PCDH1: variants seen among roughly 807,000 people sequenced by gnomAD.
The protein encoded by PCDH1 is protocadherin-1.
In PCDH1, 23 loss-of-function variants were observed where a neutral mutation model predicts 74.6. The ratio of observed to expected loss-of-function variants is 0.31; its 90% CI spans 0.22 to 0.44. The LOEUF is 0.44. Among genes scored for constraint, PCDH1 ranks in the 20% least tolerant of loss-of-function variants. The pLI is 1.00. For missense variants in PCDH1, 1,214 were observed against 1,641.4 expected, an observed-to-expected ratio of 0.74 and a Z score of 4.50; for synonymous variants, 647 against 686.1, an observed-to-expected ratio of 0.94 and a Z score of 0.89.
At position 141,868,951 on chromosome 5, in the gene PCDH1, G is replaced by A. The variant is rs2126826757; in HGVS notation, c.521C>T (p.Thr174Ile). Residue 174 changes from threonine (T) to isoleucine (I), a missense_variant, in exon 2 of 5, where the codon ACT (threonine) becomes ATT (isoleucine). Thr to Ile is a moderately conservative substitution (Grantham distance 89). Coordinates refer to ENST00000287008, the MANE Select transcript of PCDH1 (RefSeq NM_032420.5). This position sits in a 1 kb window ranked among gnomAD's most constrained non-coding sequence, Gnocchi z 4.8. Reference sequence around the variant, plus strand: ...GTTGGTGTTCTCAGGGATGGCCAGAGTGATGACTGGTGAGGCGAAGTTGGG... The same window carrying A: ...GTTGGTGTTCTCAGGGATGGCCAGAATGATGACTGGTGAGGCGAAGTTGGG... ...NTPNFASPVI[T>I]LAIPENTNIG... 1 of 1,614,236 alleles carries A rather than the reference G, an allele frequency of 6.2e-7. No individual in the cohort carries two copies. Among genetic ancestry groups the A allele is most frequent in the Non-Finnish European group, 8.5e-7 (1 of 1,180,052 alleles).
rs918901939 is a variant in PCDH1, at chr5:141,863,530, T to C, written c.2801A>G (p.Gln934Arg). ...CATCAGGTTGAACTTGAGGGACTTC[T>C]GCAGCCCGGCCTCATCCTCGTCCTC... ...PVEDEDEAGL[Q>R]KSLKFNLMSD... The change falls in exon 3 of 5, where the codon CAG becomes CGG. Residue 934 changes from glutamine to arginine, a missense_variant. Gln to Arg is a conservative substitution (Grantham distance 43, BLOSUM62 1). Around this residue, in one of 4 missense-constraint regions of PCDH1, gnomAD observed 836 missense variants for 1,182.2 expected, o/e 0.71. Transcript: ENST00000287008. The surrounding 1 kb of genome is among the most constrained non-coding windows in gnomAD (Gnocchi z 7.5). 1 of 1,613,828 alleles carries C rather than the reference T, an allele frequency of 6.2e-7. No individual in the cohort carries two copies. The highest frequency in any genetic ancestry group is 8.5e-7 in the Non-Finnish European group (1 of 1,179,916).
chr5:141,874,712 AAC>A (rs1480419139), intron 1 of PCDH1, among the ~76,000 whole-genome samples: 1 of 152,106 alleles, frequency 6.6e-6, no homozygotes, highest in Non-Finnish European at 1.5e-5. Context: ...CCAGAGAAAA[AAC>A]ACACAGAGGC....
chr5:141,869,660 C>T lies in PCDH1; in HGVS notation c.41-229G>A. 2.6e-6 allele frequency: 4 copies of T among 1,531,610 alleles called. No homozygotes were observed. Among genetic ancestry groups the T allele is most frequent in the Non-Finnish European group, 3.5e-6 (4 of 1,144,766 alleles). 94.9% of individuals were successfully genotyped at this position (1,531,610 alleles called of 1,614,324 possible). ...CCAGCTGGAGGAGCCAGTAAGAGGC[C>T]TGGCATGCCTAGAGCAGCTCCCGCC... is the stretch of plus-strand genomic sequence containing the variant. On this transcript the variant is annotated intron_variant, in intron 1 of 4. Coordinates refer to ENST00000287008, the MANE Select transcript of PCDH1 (RefSeq NM_032420.5). The surrounding 1 kb of genome is among the most constrained non-coding windows in gnomAD (Gnocchi z 4.9).
chr5:141,867,491 G>T (rs1004575725), intron 2 of PCDH1: 1 of 429,844 alleles, frequency 2.3e-6, no homozygotes, highest in Non-Finnish European at 4.6e-6. Context: ...AGGATTAAAT[G>T]ATATAATACA....
Position 141,869,746 on chromosome 5 carries a change from T to C in PCDH1, c.41-315A>G. 2.0e-6 allele frequency: 2 copies of C among 985,422 alleles called. No individual in the cohort carries two copies. The highest frequency in any genetic ancestry group is 3.5e-5 in the African/African-American group (2 of 57,358). The allele number at this position is 985,422 out of a possible 1,614,324, so 61.0% of individuals were successfully genotyped here. On this transcript the variant is annotated intron_variant, in intron 1 of 4. Coordinates refer to ENST00000287008, the MANE Select transcript of PCDH1 (RefSeq NM_032420.5). The surrounding 1 kb of genome is among the most constrained non-coding windows in gnomAD (Gnocchi z 4.9). Reference sequence around the variant, plus strand: ...CCCAAGCCCGGCTGCCCGCCCTCTTTCCTTCTTTTCCTCCTTGCTCTCTGC... The same window carrying C: ...CCCAAGCCCGGCTGCCCGCCCTCTTCCCTTCTTTTCCTCCTTGCTCTCTGC...
chr5:141,860,808 G>T (rs1302566807), intron 3 of PCDH1, among the ~76,000 whole-genome samples: 1 of 152,116 alleles, frequency 6.6e-6, no homozygotes, highest in Non-Finnish European at 1.5e-5. Flanking sequence ...CTCACACCTA[G>T]TAAGGACTCA....
At chr5:141,870,127 C>A (rs1236947680) in intron 1 of PCDH1, among the ~76,000 whole-genome samples, 2 of 152,160 alleles carry the variant, frequency 1.3e-5, no homozygotes, top group Non-Finnish European at 2.9e-5. Context: ...CAGTATTCTC[C>A]ACCCCCATAA....
In PCDH1 at chr5:141,863,733, C is replaced by A; in HGVS notation, c.2598G>T (p.Leu866Phe). The A allele has an allele frequency of 6.2e-7, 1 of 1,614,198 alleles. No individual in the cohort carries two copies. Among genetic ancestry groups the A allele is most frequent in the Non-Finnish European group, 8.5e-7 (1 of 1,180,026 alleles). ...GVVAGVVAVA[L>F]LIALAVLVRY... ...GCACAAGAACCGCCAGGGCGATGAGCAAGGCCACGGCCACCACACCAGCCA... is the reference window on the plus strand; with the variant it reads ...GCACAAGAACCGCCAGGGCGATGAGAAAGGCCACGGCCACCACACCAGCCA... Residue 866 changes from leucine to phenylalanine, a missense_variant, in exon 3 of 5, where the codon TTG becomes TTT. Leu to Phe is a conservative substitution (Grantham distance 22). Transcript: ENST00000287008. This position sits in a 1 kb window ranked among gnomAD's most constrained non-coding sequence, Gnocchi z 7.5.
chr5:141,872,715 T>C (rs111779875), intron 1 of PCDH1, among the ~76,000 whole-genome samples: 4 of 152,190 alleles, frequency 2.6e-5, no homozygotes, highest in Non-Finnish European at 5.9e-5. Flanking sequence ...CCACACGCTC[T>C]TTCTCACCCT....
At chr5:141,861,988 A>G (rs1752586112) in intron 3 of PCDH1, among the ~76,000 whole-genome samples, 1 of 151,910 alleles carries the variant, frequency 6.6e-6, no homozygotes, top group African/African-American at 2.4e-5. Context: ...GAACCCCCTA[A>G]GAGTGGGGGT....
intron 3 of PCDH1, among the ~76,000 whole-genome samples, chr5:141,860,549 T>C (rs1380239968): frequency 6.6e-6 from 1 of 151,886 alleles, no homozygotes; most frequent in African/African-American, 2.4e-5. Context: ...TCCCCCTTTT[T>C]TGGAGGACTC....
chr5:141,874,804 C>T (rs559940174), intron 1 of PCDH1, among the ~76,000 whole-genome samples: 2 of 152,252 alleles, frequency 1.3e-5, no homozygotes, highest in Admixed American at 1.3e-4. Context: ...GTCACTGCCG[C>T]GGGCACAAAA....
Position 141,869,965 on chromosome 5 carries a change from G to T in PCDH1, c.41-534C>A, listed in dbSNP as rs1268114608. On this transcript the variant is annotated intron_variant, in intron 1 of 4. Coordinates refer to ENST00000287008, the MANE Select transcript of PCDH1 (RefSeq NM_032420.5). This position sits in a 1 kb window ranked among gnomAD's most constrained non-coding sequence, Gnocchi z 4.9. ...CGTCCTTACACACCCCAGACCCTGG[G>T]ACCTTGACTTGTCACACTGGGCTCC... 1.3e-5 allele frequency among the ~76,000 whole-genome samples: 2 copies of T among 152,190 alleles called. No individual in the cohort carries two copies. Among genetic ancestry groups the T allele is most frequent in the African/African-American group, 4.8e-5 (2 of 41,448 alleles).
In PCDH1 at chr5:141,878,194, T is replaced by C. The variant is rs1318306071; in HGVS notation, c.40+29A>G. ...ATGACCGCTTCGGGCCCCAAGCCGC[T>C]GCTGCCTCCACCGCCGCCGGATCCT... On this transcript the variant is annotated intron_variant, in intron 1 of 4. Coordinates refer to ENST00000287008, the MANE Select transcript of PCDH1 (RefSeq NM_032420.5). The surrounding 1 kb of genome is among the most constrained non-coding windows in gnomAD (Gnocchi z 5.5). 2.1e-6 allele frequency: 3 copies of C among 1,432,258 alleles called. No individual in the cohort carries two copies. The highest frequency in any genetic ancestry group is 2.7e-5 in the South Asian group (2 of 73,524). 88.7% of individuals were successfully genotyped at this position (1,432,258 alleles called of 1,614,324 possible).
chr5:141,853,929 G>T lies in PCDH1; in HGVS notation c.*113C>A. On this transcript the variant is annotated 3_prime_UTR_variant, in exon 5 of 5. Coordinates refer to ENST00000287008, the MANE Select transcript of PCDH1 (RefSeq NM_032420.5). ...CATGAGGTCAGTGATACCCCCACTT[G>T]GGGCCCTGGCCAGGAAGTCCACGCT... 3.1e-6 allele frequency: 3 copies of T among 974,848 alleles called. No individual in the cohort carries two copies. The highest frequency in any genetic ancestry group is 4.4e-6 in the Non-Finnish European group (3 of 688,826). 60.4% of individuals were successfully genotyped at this position (974,848 alleles called of 1,614,324 possible).
chr5:141,853,903 T>G lies in PCDH1; in HGVS notation c.*139A>C. ...CTGCATGGGAGAAGGGCCAGCGTGGTCATGAGGTCAGTGATACCCCCACTT... is the reference window on the plus strand; with the variant it reads ...CTGCATGGGAGAAGGGCCAGCGTGGGCATGAGGTCAGTGATACCCCCACTT... On this transcript the variant is annotated 3_prime_UTR_variant, in exon 5 of 5. Transcript: ENST00000287008. 1 of 666,738 alleles carries G rather than the reference T, an allele frequency of 1.5e-6. No homozygotes were observed. Among genetic ancestry groups the G allele is most frequent in the Non-Finnish European group, 2.4e-6 (1 of 423,170 alleles). The allele number at this position is 666,738 out of a possible 1,614,324, so 41.3% of individuals were successfully genotyped here. A position where few individuals can be genotyped will look rare whatever the true frequency, so the allele number is the denominator to read the frequency against.
chr5:141,857,668 G>C (rs1450263665), intron 3 of PCDH1, among the ~76,000 whole-genome samples, 197 bp from the exon 4 acceptor site: 1 of 152,110 alleles, frequency 6.6e-6, no homozygotes, highest in South Asian at 2.1e-4. Flanking sequence ...TTCTAGGACC[G>C]CTCCTAGTAC....
intron 3 of PCDH1, among the ~76,000 whole-genome samples, chr5:141,858,526 G>A (rs918138194): frequency 1.3e-5 from 2 of 152,146 alleles, no homozygotes; most frequent in Admixed American, 1.3e-4. Context: ...GGGGTCGGGG[G>A]AGTGGAACCG....
intron 2 of PCDH1, chr5:141,867,753 G>A (rs1752912075): frequency 2.7e-6 from 1 of 367,736 alleles, no homozygotes; most frequent in South Asian, 2.1e-5. Flanking sequence ...CAAAGAGAGA[G>A]GCATCTTCAG....
Sources: gnomAD v4.1 joint callset for allele counts (sites outside exome capture counted in the v4.1 genomes callset) on GRCh38, gnomAD v4.1.1 for gene constraint, gnomAD v4.1.1 regional missense constraint, Gnocchi (gnomAD v3.1) non-coding constraint, MANE v1.5 for transcripts, NCBI Gene and HGNC (gene_info 2026-07-23, HGNC 2026-07-21) for gene names.